Variants in SYNE1 observed in about 807,000 individuals in gnomAD.
SYNE1 encodes the protein spectrin repeat containing nuclear envelope protein 1.
A neutral mutation model predicts 1,111.0 loss-of-function variants in SYNE1; 616 were observed. The ratio of observed to expected loss-of-function variants is 0.55; its 90% CI spans 0.52 to 0.59. SYNE1 has a LOEUF of 0.59. SYNE1 is among the 20% of genes least tolerant of loss of function. The pLI is 0.00. For missense variants in SYNE1, 10,006 were observed against 10,417.0 expected, an observed-to-expected ratio of 0.96 and a Z score of 1.72; for synonymous variants, 3,855 against 3,825.8, an observed-to-expected ratio of 1.01 and a Z score of -0.28.
intron 35 of SYNE1, 80 bp downstream of exon 35, chr6:152,430,402 A>C (rs571735789): frequency 7.6e-7 from 1 of 1,323,488 alleles, no homozygotes; most frequent in South Asian, 1.2e-5. Flanking sequence ...TTATTCCACT[A>C]TTTGTAAAGT....
At position 152,428,360 on chromosome 6, in the gene SYNE1, G is replaced by A. The variant is rs754445939; in HGVS notation, c.4821C>T (p.Ser1607=). Residue 1607 remains serine (S), a synonymous_variant, in exon 37 of 146, where the codon AGC becomes AGT. Coordinates refer to ENST00000367255, the MANE Select transcript of SYNE1 (RefSeq NM_182961.4). ...CACTGGCTGAGAAGGCAGTGATCGC[G>A]CTGCTCAGTGACTCCAGGGCCTGGC... ...DLCQALESLS[S]AITAFSASAR... 1.1e-5 allele frequency: 17 copies of A among 1,613,842 alleles called. No homozygotes were observed. Among genetic ancestry groups the A allele is most frequent in the East Asian group, 2.2e-5 (1 of 44,880 alleles).
chr6:152,420,874 G>A (rs1411134736), intron 39 of SYNE1, among the ~76,000 whole-genome samples: 2 of 152,096 alleles, frequency 1.3e-5, no homozygotes, highest in East Asian at 1.9e-4. Context: ...AGCAAAATTT[G>A]TAGTATATTT....
chr6:152,565,625 G>A (rs953621688), intron 3 of SYNE1, among the ~76,000 whole-genome samples: 2 of 150,178 alleles, frequency 1.3e-5, no homozygotes, highest in Non-Finnish European at 2.9e-5. Context: ...ACTTTACTTC[G>A]CTTTAAAATC....
At chr6:152,393,535 G>T (rs1284577627) in intron 51 of SYNE1, among the ~76,000 whole-genome samples, 6 of 151,684 alleles carry the variant, frequency 4.0e-5, no homozygotes, top group Non-Finnish European at 7.4e-5. Flanking sequence ...GAACAGAAAT[G>T]ATATAGATCT....
At chr6:152,391,247 T>G in intron 52 of SYNE1, 30 bp downstream of exon 52, 1 of 1,613,378 alleles carries the variant, frequency 6.2e-7, no homozygotes, top group Non-Finnish European at 8.5e-7. Flanking sequence ...CATTCAGCAG[T>G]TGTCAGTGTC....
intron 126 of SYNE1, among the ~76,000 whole-genome samples, chr6:152,203,234 C>T (rs938982987): frequency 1.8e-4 from 28 of 152,072 alleles, no homozygotes; most frequent in African/African-American, 5.1e-4. Flanking sequence ...ATCAGACACA[C>T]GTAATTTTTT....
At chr6:152,524,243 G>A (rs757217727) in intron 5 of SYNE1, among the ~76,000 whole-genome samples, 2 of 151,886 alleles carry the variant, frequency 1.3e-5, no homozygotes, top group Admixed American at 6.6e-5. Context: ...AGTTTGTTGG[G>A]CTTTTTATCA....
At chr6:152,214,572 G>T (rs2078209006) in intron 122 of SYNE1, among the ~76,000 whole-genome samples, 1 of 152,136 alleles carries the variant, frequency 6.6e-6, no homozygotes, top group African/African-American at 2.4e-5. Context: ...AGGCCATGAG[G>T]ACTCCTCCTT....
chr6:152,234,137 C>T (rs560872653), intron 111 of SYNE1, among the ~76,000 whole-genome samples, 174 bp from the exon 112 acceptor site: 6 of 152,256 alleles, frequency 3.9e-5, no homozygotes, highest in African/African-American at 1.2e-4. Context: ...AAGGAAACTA[C>T]GAAGCCCCGA....
chr6:152,468,227 T>C (rs1283035980), intron 16 of SYNE1, among the ~76,000 whole-genome samples: 1 of 152,202 alleles, frequency 6.6e-6, no homozygotes, highest in East Asian at 1.9e-4. Flanking sequence ...CTATGCCAGA[T>C]TATTCGAGAT....
At position 152,536,092 on chromosome 6, in the gene SYNE1, G is replaced by C. The variant is rs2099234741; in HGVS notation, c.129+3868C>G. Among the ~76,000 whole-genome samples the C allele has an allele frequency of 4.6e-5, 7 of 151,550 alleles. 1 individual carries two copies. The South Asian group carries it at 1.5e-3, about 32-fold the overall frequency. On this transcript the variant is annotated intron_variant, in intron 4 of 145. Transcript: ENST00000367255. ...TATTCCCAATGCTAGTCTCAGAGAA[G>C]GGGAGATATCTCTGCTCTGGAACAA...
At chr6:152,243,581 C>T (rs989227288) in intron 106 of SYNE1, among the ~76,000 whole-genome samples, 1 of 152,138 alleles carries the variant, frequency 6.6e-6, no homozygotes, top group Admixed American at 6.5e-5. Flanking sequence ...TGCTTAAGTG[C>T]TGTCGGAAAA....
At chr6:152,571,516 A>G (rs1224008860) in intron 3 of SYNE1, among the ~76,000 whole-genome samples, 1 of 152,190 alleles carries the variant, frequency 6.6e-6, no homozygotes, top group Non-Finnish European at 1.5e-5. Flanking sequence ...TGACAGCTGC[A>G]TGATGAAGGG....
intron 51 of SYNE1, among the ~76,000 whole-genome samples, chr6:152,391,839 C>T (rs2097646760): frequency 6.6e-6 from 1 of 152,186 alleles, no homozygotes. Context: ...GTATTACTTA[C>T]TGTATTTCCA....
At chr6:152,145,449 GGGA>G in intron 137 of SYNE1, 1 of 1,583,520 alleles carries the variant, frequency 6.3e-7, no homozygotes, top group Non-Finnish European at 8.7e-7. Flanking sequence ...TGCTATACAG[GGGA>G]GGGAGGGAGG....
At position 152,359,316 on chromosome 6, in the gene SYNE1, T is replaced by G. The variant is rs1159180818; in HGVS notation, c.10442A>C (p.Lys3481Thr). 6.2e-7 allele frequency: 1 copy of G among 1,613,916 alleles called. No homozygotes were observed. The highest frequency in any genetic ancestry group is 8.5e-7 in the Non-Finnish European group (1 of 1,179,962). The stretch of plus-strand genomic sequence containing the variant: ...TACAAGGAAAGTGCTTTGCCGTACC[T>G]TGGCCCTCTCTTGGATGGCTCTGTA... ...ERYRAIQERA[K>T]EAVTKSEKLV... is the part of the protein sequence containing the mutation. The change falls in exon 65 of 146, where the codon AAG (lysine) becomes ACG (threonine). Residue 3481 changes from lysine to threonine, a missense_variant and splice_region_variant. Lys to Thr is a moderately conservative substitution (Grantham distance 78). Coordinates refer to ENST00000367255, the MANE Select transcript of SYNE1 (RefSeq NM_182961.4).
chr6:152,538,812 T>C (rs1017891071), intron 4 of SYNE1, among the ~76,000 whole-genome samples: 59 of 152,224 alleles, frequency 3.9e-4, no homozygotes, highest in African/African-American at 1.4e-3. Context: ...CATCAAGTGC[T>C]GTGGGGAAGA....
In SYNE1 at chr6:152,347,232, T is replaced by A; in HGVS notation, c.11905A>T (p.Met3969Leu). 2 of 1,614,214 alleles carry A rather than the reference T, an allele frequency of 1.2e-6. No individual in the cohort carries two copies. The highest frequency in any genetic ancestry group is 2.2e-5 in the East Asian group (1 of 44,886). The change falls in exon 73 of 146, where the codon ATG (methionine) becomes TTG (leucine). Residue 3969 changes from methionine to leucine, a missense_variant. By Grantham distance (15) the Met-to-Leu change is conservative. Coordinates refer to ENST00000367255, the MANE Select transcript of SYNE1 (RefSeq NM_182961.4). ...ITQQLAHHKA[M>L]MEEIAGFEDR... is the part of the protein sequence containing the mutation. ...TCAAAACCAGCAATTTCTTCCATCA[T>A]TGCCTGCAAAAGTGAAACCAATACA...
intron 112 of SYNE1, among the ~76,000 whole-genome samples, chr6:152,233,057 G>T (rs1242496645): frequency 6.6e-6 from 1 of 152,152 alleles, no homozygotes; most frequent in African/African-American, 2.4e-5. Context: ...CAGGGGAGGT[G>T]GGTGTATTTT....
Sources: allele counts gnomAD v4.1 joint callset (sites outside exome capture counted in the v4.1 genomes callset), GRCh38; gene constraint gnomAD v4.1.1; transcripts MANE v1.5; gene names NCBI Gene and HGNC (gene_info 2026-07-23, HGNC 2026-07-21).